The following GTF3A variants were observed in gnomAD, a reference collection of about 807,000 sequenced individuals.
The protein encoded by GTF3A is transcription factor IIIA.
GTF3A carries 40 observed loss-of-function variants against 37.6 expected under a neutral mutation model. The ratio of observed to expected loss-of-function variants is 1.06; its 90% CI spans 0.83 to 1.38. The LOEUF (loss-of-function observed/expected upper bound fraction) is 1.38. Ranked by LOEUF, GTF3A falls within the 40% of genes most tolerant of loss-of-function variation. GTF3A has a pLI of 0.00. For missense variants in GTF3A, 500 were observed against 462.6 expected, an observed-to-expected ratio of 1.08 and a Z score of -0.74; for synonymous variants, 191 against 166.7, an observed-to-expected ratio of 1.15 and a Z score of -1.12.
At chr13:27,434,082 A>G in intron 5 of GTF3A, 57 bp from the exon 6 acceptor site, 1 of 765,266 alleles carries the variant, frequency 1.3e-6, no homozygotes, top group Non-Finnish European at 2.4e-6. Context: ...CTTTCTAGTT[A>G]TGGTCAGTGT....
At chr13:27,432,949 A>G in intron 5 of GTF3A, 145 bp downstream of exon 5, 3 of 664,448 alleles carry the variant, frequency 4.5e-6, no homozygotes. Context: ...ACTCTTGTCC[A>G]AAGAGGCACT....
chr13:27,432,596 G>A (rs914770785), intron 4 of GTF3A, 135 bp from the exon 5 acceptor site: 6 of 693,558 alleles, frequency 8.7e-6, no homozygotes, highest in Non-Finnish European at 1.6e-5. Flanking sequence ...TGTGATGAGA[G>A]CTACATTTTA....
In GTF3A at chr13:27,430,595, C is replaced by T. The variant is rs1450742261; in HGVS notation, c.462C>T (p.Cys154=). 7 of 1,609,866 alleles carry T rather than the reference C, an allele frequency of 4.3e-6. No homozygotes were observed. The highest frequency in any genetic ancestry group is 6.0e-6 in the Non-Finnish European group (7 of 1,176,460). The change falls in exon 4 of 9, where the codon TGC becomes TGT. Residue 154 remains cysteine, a synonymous_variant. Transcript: ENST00000381140. ...ATCAGCAGCTGAAAATCCATCAGTG[C>T]CAGCATACCAATGAACCTCTATTCA...
intron 1 of GTF3A, chr13:27,425,463 CCTCT>C (rs961435723): frequency 6.5e-6 from 1 of 152,964 alleles, no homozygotes; most frequent in African/African-American, 2.4e-5. Flanking sequence ...TCAGGAAAGG[CCTCT>C]CTGTGTGAGC....
chr13:27,433,698 A>G (rs1371536865), intron 5 of GTF3A, among the ~76,000 whole-genome samples: 1 of 152,084 alleles, frequency 6.6e-6, no homozygotes, highest in Non-Finnish European at 1.5e-5. Flanking sequence ...CCGACTGCAG[A>G]GTATGTTTGC....
chr13:27,432,873 G>C (rs968866724), intron 5 of GTF3A, 69 bp downstream of exon 5: 1 of 1,267,574 alleles, frequency 7.9e-7, no homozygotes, highest in African/African-American at 1.5e-5. Context: ...AATCTGTTCT[G>C]TGATCACGCT....
At chr13:27,433,125 C>T (rs1953672543) in intron 5 of GTF3A, among the ~76,000 whole-genome samples, 1 of 151,298 alleles carries the variant, frequency 6.6e-6, no homozygotes, top group South Asian at 2.1e-4. Flanking sequence ...TATTTACTGC[C>T]TGTGCCATTC....
intron 4 of GTF3A, among the ~76,000 whole-genome samples, chr13:27,431,504 G>A (rs949000064): frequency 5.9e-5 from 9 of 152,142 alleles, no homozygotes; most frequent in African/African-American, 2.2e-4. Flanking sequence ...GATGGAGCTG[G>A]AGGCCATTAT....
At chr13:27,425,079 G>A in intron 1 of GTF3A, 141 bp downstream of exon 1, 1 of 586,232 alleles carries the variant, frequency 1.7e-6, no homozygotes, top group South Asian at 2.3e-5. Flanking sequence ...AAGGAGCTGA[G>A]GAAGTAGACA....
chr13:27,429,299 G>GGAA (rs374040932), intron 2 of GTF3A: 6 of 117,046 alleles, frequency 5.1e-5, no homozygotes, highest in Admixed American at 9.2e-5. Flanking sequence ...TTTCTTTTGG[G>GGAA]AAAAAAAAAA....
At chr13:27,434,566 C>A in intron 6 of GTF3A, 1 of 566,160 alleles carries the variant, frequency 1.8e-6, no homozygotes, top group Non-Finnish European at 3.1e-6. Flanking sequence ...CCCACAGTCA[C>A]CTTCCTGAGA....
In GTF3A at chr13:27,431,340, C is replaced by T. The variant is rs575143423; in HGVS notation, c.488+719C>T. Among the ~76,000 whole-genome samples, 45 of 152,222 alleles carry T rather than the reference C, an allele frequency of 3.0e-4. No homozygotes were observed. In the Middle Eastern group the frequency reaches 0.01, roughly 35 times the overall value. On this transcript the variant is annotated intron_variant, in intron 4 of 8. Transcript: ENST00000381140. The stretch of plus-strand genomic sequence containing the variant: ...TATATGAAAAAGACACATGCACACA[C>T]GTTTACAGCAGCACAGTTCACAATT...
In GTF3A at chr13:27,431,018, T is replaced by C. The variant is rs1027707498; in HGVS notation, c.488+397T>C. 2.6e-5 allele frequency among the ~76,000 whole-genome samples: 4 copies of C among 152,346 alleles called. No individual in the cohort carries two copies. The East Asian group carries it at 7.7e-4, about 29-fold the overall frequency. On this transcript the variant is annotated intron_variant, in intron 4 of 8. Transcript: ENST00000381140. ...GCCTAGGCTGATGTCCAGAAGTTTT[T>C]CCAATGTTTTCATTTTGAATTTTTA...
intron 5 of GTF3A, 135 bp from the exon 6 acceptor site, chr13:27,434,004 C>T (rs1316796261): frequency 1.0e-5 from 6 of 596,124 alleles, no homozygotes; most frequent in East Asian, 2.7e-5. Context: ...GTTTTTATTC[C>T]CACCTCAAGA....
In GTF3A at chr13:27,432,801, G is replaced by C. The variant is rs757021040; in HGVS notation, c.559G>C (p.Glu187Gln). Residue 187 changes from glutamate to glutamine, a missense_variant, in exon 5 of 9, where the codon GAG becomes CAG. Transcript: ENST00000381140. ...GCTGAAACGACATGCCAAGGCCCAC[G>C]AGGGTGTGTACGGATAGCCTGGGTG... The C allele has an allele frequency of 5.6e-6, 9 of 1,599,912 alleles. No homozygotes were observed. The highest frequency in any genetic ancestry group is 6.8e-6 in the Non-Finnish European group (8 of 1,172,904).
chr13:27,424,987 C>A, intron 1 of GTF3A, 49 bp downstream of exon 1: 3 of 1,401,976 alleles, frequency 2.1e-6, no homozygotes, highest in South Asian at 2.6e-5. Context: ...GGCGCGTGGC[C>A]CCGGGGTAGC....
At chr13:27,425,161 T>G in intron 1 of GTF3A, 1 of 491,844 alleles carries the variant, frequency 2.0e-6, no homozygotes, top group Non-Finnish European at 3.7e-6. Flanking sequence ...AAGCAGTCAT[T>G]GATCGTGAGT....
At chr13:27,427,549 G>A (rs1953616639) in intron 2 of GTF3A, among the ~76,000 whole-genome samples, 1 of 152,072 alleles carries the variant, frequency 6.6e-6, no homozygotes, top group Admixed American at 6.6e-5. Context: ...CCTACAGCCA[G>A]GAAAATGAAT....
rs1221671664 is a variant in GTF3A, at chr13:27,435,773, C to T, written c.*176C>T. 1.9e-6 allele frequency: 3 copies of T among 1,614,116 alleles called. No homozygotes were observed. Among genetic ancestry groups the T allele is most frequent in the Non-Finnish European group, 2.5e-6 (3 of 1,179,988 alleles). On this transcript the variant is annotated 3_prime_UTR_variant, in exon 9 of 9. Transcript: ENST00000381140. ...TGAGTTTCTTTATATGCCTTCTCCT[C>T]ATTTTTGCTGAAAGCACGAAGAACA...
Sources: allele counts gnomAD v4.1 joint callset (sites outside exome capture counted in the v4.1 genomes callset), GRCh38; gene constraint gnomAD v4.1.1; transcripts MANE v1.5; gene names NCBI Gene and HGNC (gene_info 2026-07-23, HGNC 2026-07-21).